The following FASTKD3 variants were observed in gnomAD, a reference collection of about 807,000 sequenced individuals.
FASTKD3 encodes FAST kinase domains 3.
In FASTKD3, 47 loss-of-function variants were observed where a neutral mutation model predicts 49.7. The observed-to-expected ratio is 0.95, with a 90% CI of 0.75 to 1.21. The LOEUF is 1.21. Among genes scored for constraint, FASTKD3 ranks in the 50% most tolerant of loss-of-function variants. The pLI, the probability that FASTKD3 is intolerant of heterozygous loss-of-function variation, is 0.00. For synonymous variants in FASTKD3, 284 were observed against 288.6 expected (o/e 0.98, Z 0.16); for missense variants, 748 against 765.7 (o/e 0.98, Z 0.27).
chr5:7,862,756 C>A, intron 4 of FASTKD3, 67 bp downstream of exon 4: 1 of 1,342,718 alleles, frequency 7.4e-7, no homozygotes, highest in South Asian at 1.3e-5. Flanking sequence ...GCTTCTAAGT[C>A]CCATATATCT....
At chr5:7,862,707 AG>A (rs1422896411) in intron 4 of FASTKD3, 115 bp downstream of exon 4, 3 of 871,312 alleles carry the variant, frequency 3.4e-6, no homozygotes, top group Non-Finnish European at 5.4e-6. Flanking sequence ...CCTTCAGGGA[AG>A]GGACCATTCC....
chr5:7,864,883 G>A (rs1000340924), intron 3 of FASTKD3, among the ~76,000 whole-genome samples: 2 of 150,846 alleles, frequency 1.3e-5, no homozygotes, highest in African/African-American at 5.0e-5. Context: ...GTTTATATAT[G>A]AAAAAAACCA....
chr5:7,866,624 T>C (rs1287443908), intron 2 of FASTKD3, 22 bp downstream of exon 2: 1 of 1,528,502 alleles, frequency 6.5e-7, no homozygotes, highest in African/African-American at 1.4e-5. Context: ...TTTCCAACTG[T>C]CAGAATTTAT....
At chr5:7,863,237 TAAACAG>T (rs1028782592) in intron 3 of FASTKD3, 2 of 457,860 alleles carry the variant, frequency 4.4e-6, no homozygotes, top group African/African-American at 4.1e-5. Flanking sequence ...CTGGTTACCA[TAAACAG>T]AAAGAAAAGT....
rs1256997002 is a variant in FASTKD3, at chr5:7,867,621, C to T, written c.463G>A (p.Glu155Lys). The T allele has an allele frequency of 1.2e-6, 2 of 1,614,138 alleles. No homozygotes were observed. Among genetic ancestry groups the T allele is most frequent in the Admixed American group, 3.3e-5 (2 of 60,012 alleles). Residue 155 changes from glutamate to lysine, a missense_variant, in exon 2 of 7, where the codon GAG becomes AAG. By Grantham distance (56) the Glu-to-Lys change is moderately conservative. This residue lies in a region of FASTKD3 where 564 missense variants were observed against 562.8 expected (regional missense o/e 1.00). Transcript: ENST00000264669. ...GDQGLPKEIL[E>K]NSIFQALCFQ... is the part of the protein sequence containing the mutation. Reference sequence around the variant, plus strand: ...CATAAAGCTTGAAAGATGCTATTCTCCAGTATTTCTTTTGGCAGCCCTTGA... The same window carrying T: ...CATAAAGCTTGAAAGATGCTATTCTTCAGTATTTCTTTTGGCAGCCCTTGA...
chr5:7,860,569 A>G (rs1336312852), intron 6 of FASTKD3, among the ~76,000 whole-genome samples: 1 of 152,234 alleles, frequency 6.6e-6, no homozygotes, highest in Admixed American at 6.5e-5. Flanking sequence ...ATTTCAAAAT[A>G]TAAGTCAAGA....
At position 7,867,999 on chromosome 5, in the gene FASTKD3, G is replaced by T. The variant is rs1255568329; in HGVS notation, c.85C>A (p.Pro29Thr). ...HRALAALKNK[P>T]LNHVHKVVKE... ...ACTACCTTGTGAACATGATTTAGAG[G>T]TTTATTTTTTAAAGCAGCCAGAGCT... is the stretch of plus-strand genomic sequence containing the variant. Residue 29 changes from proline to threonine, a missense_variant, in exon 2 of 7, where the codon CCT becomes ACT. By Grantham distance (38) the Pro-to-Thr change is conservative. Around this residue, in one of 3 missense-constraint regions of FASTKD3, gnomAD observed 564 missense variants for 562.8 expected, o/e 1.00. Coordinates refer to ENST00000264669, the MANE Select transcript of FASTKD3 (RefSeq NM_024091.4). 2.5e-6 allele frequency: 4 copies of T among 1,613,936 alleles called. No individual in the cohort carries two copies. The African/African-American group carries it at 5.3e-5, about 22-fold the overall frequency.
At position 7,859,385 on chromosome 5, in the gene FASTKD3, G is replaced by A. The variant is rs753738104; in HGVS notation, c.*50C>T. The A allele has an allele frequency of 8.5e-7, 1 of 1,173,990 alleles. No homozygotes were observed. The allele number at this position is 1,173,990 out of a possible 1,614,324, so 72.7% of individuals were successfully genotyped here. On this transcript the variant is annotated 3_prime_UTR_variant, in exon 7 of 7. Transcript: ENST00000264669. ...CATTATATTTTTCTTTTAATACTGA[G>A]TTCCATAAAAATGCAAGTTCTTCCA...
At position 7,859,503 on chromosome 5, in the gene FASTKD3, G is replaced by T; in HGVS notation, c.1921C>A (p.Arg641Ser). ...YHEIGMLKSRRELVEYLQRKL... is the reference protein window; with the variant it reads ...YHEIGMLKSRSELVEYLQRKL... The stretch of plus-strand genomic sequence containing the variant: ...CTTTGTAAATATTCCACCAATTCAC[G>T]TCTTGATTTTAGCATCCCAATCTCA... Residue 641 changes from arginine to serine, a missense_variant, in exon 7 of 7, where the codon CGT becomes AGT. Around this residue, in one of 3 missense-constraint regions of FASTKD3, gnomAD observed 178 missense variants for 182.2 expected, o/e 0.98. Transcript: ENST00000264669. 6.2e-7 allele frequency: 1 copy of T among 1,604,992 alleles called. No individual in the cohort carries two copies.
chr5:7,860,312 A>C (rs1482973738), intron 6 of FASTKD3, among the ~76,000 whole-genome samples: 2 of 152,218 alleles, frequency 1.3e-5, no homozygotes, highest in Non-Finnish European at 2.9e-5. Context: ...CGCACTGCTG[A>C]GCCCTCACAT....
At chr5:7,863,529 A>C (rs1746702740) in intron 3 of FASTKD3, among the ~76,000 whole-genome samples, 1 of 152,214 alleles carries the variant, frequency 6.6e-6, no homozygotes, top group Non-Finnish European at 1.5e-5. Context: ...TGAACTGGTA[A>C]ATATAATGAG....
Position 7,868,074 on chromosome 5 carries a change from T to C in FASTKD3, c.10A>G (p.Ile4Val), listed in dbSNP as rs1203911431. 1 of 1,600,104 alleles carries C rather than the reference T, an allele frequency of 6.2e-7. No individual in the cohort carries two copies. Among genetic ancestry groups the C allele is most frequent in the Non-Finnish European group, 8.5e-7 (1 of 1,174,362 alleles). Residue 4 changes from isoleucine (I) to valine (V), a missense_variant, in exon 2 of 7, where the codon ATC becomes GTC. By Grantham distance (29) the Ile-to-Val change is conservative. This residue lies in a region of FASTKD3 where 564 missense variants were observed against 562.8 expected (regional missense o/e 1.00). Coordinates refer to ENST00000264669, the MANE Select transcript of FASTKD3 (RefSeq NM_024091.4). Reference protein sequence around the residue: MALITLRKNLYRLS... With the variant: MALVTLRKNLYRLS... ...CGATAAAGGTTCTTCCTCAAGGTGATTAATGCCATACCATCAGATTCTCAA... is the reference window on the plus strand; with the variant it reads ...CGATAAAGGTTCTTCCTCAAGGTGACTAATGCCATACCATCAGATTCTCAA...
intron 1 of FASTKD3, among the ~76,000 whole-genome samples, chr5:7,868,715 A>C (rs1747262872): frequency 6.6e-6 from 1 of 152,214 alleles, no homozygotes; most frequent in Non-Finnish European, 1.5e-5. Context: ...AGATCAATGA[A>C]GGGAGAAGGT....
chr5:7,864,891 C>A (rs1018383790), intron 3 of FASTKD3, among the ~76,000 whole-genome samples: 5 of 151,590 alleles, frequency 3.3e-5, no homozygotes, highest in African/African-American at 9.7e-5. Context: ...ATGAAAAAAA[C>A]CAAAAAGGCT....
chr5:7,868,035 G>GA lies in FASTKD3; in HGVS notation c.48dup (p.Gln17SerfsTer4), dbSNP rs1478310012. On this transcript the variant is annotated frameshift_variant, in exon 2 of 7. Transcript: ENST00000264669. LOFTEE classifies it high-confidence loss of function. ...AAAGCAGCCAGAGCTCTATGCATCT[G>GA]AAAATCAGATAAACGATAAAGGTTC... is the stretch of plus-strand genomic sequence containing the variant. 12 of 1,613,074 alleles carry GA rather than the reference G, an allele frequency of 7.4e-6. No homozygotes were observed. The highest frequency in any genetic ancestry group is 1.0e-5 in the Non-Finnish European group (12 of 1,179,796).
chr5:7,863,803 C>A (rs938766542), intron 3 of FASTKD3, among the ~76,000 whole-genome samples: 1 of 152,104 alleles, frequency 6.6e-6, no homozygotes, highest in East Asian at 1.9e-4. Context: ...AGAATGATTG[C>A]GTGCTTGAAA....
intron 2 of FASTKD3, among the ~76,000 whole-genome samples, chr5:7,866,347 T>G (rs1746949021): frequency 6.6e-6 from 1 of 150,446 alleles, no homozygotes; most frequent in Non-Finnish European, 1.5e-5. Context: ...TGCTCACTCA[T>G]CAAAAGTTCT....
Position 7,860,846 on chromosome 5 carries a change from T to C in FASTKD3, c.1884+303A>G, listed in dbSNP as rs575527119. ...ACTTAAGCTCAACCAATCAGAAGCA[T>C]CTCACAAACTAATAATTATATAACT... On this transcript the variant is annotated intron_variant, in intron 6 of 6. Transcript: ENST00000264669. Among the ~76,000 whole-genome samples, 3 of 152,286 alleles carry C rather than the reference T, an allele frequency of 2.0e-5. No homozygotes were observed. The South Asian group carries it at 6.2e-4, about 32-fold the overall frequency.
In FASTKD3 at chr5:7,861,248, A is replaced by C. The variant is rs1746511141; in HGVS notation, c.1785T>G (p.Ile595Met). 1.9e-6 allele frequency: 3 copies of C among 1,600,062 alleles called. No homozygotes were observed. Among genetic ancestry groups the C allele is most frequent in the Non-Finnish European group, 2.6e-6 (3 of 1,168,942 alleles). The stretch of plus-strand genomic sequence containing the variant: ...TGGAGCAAAACCTTTTTGGACCATC[A>C]ATACACAGTGCTATCCTGAAAAATA... ...EDIHKRIALC[I>M]DGPKRFCSNS... is the part of the protein sequence containing the mutation. The change falls in exon 6 of 7, where the codon ATT becomes ATG. Residue 595 changes from isoleucine (I) to methionine (M), a missense_variant. Coordinates refer to ENST00000264669, the MANE Select transcript of FASTKD3 (RefSeq NM_024091.4).
Sources: allele counts gnomAD v4.1 joint callset (sites outside exome capture counted in the v4.1 genomes callset), GRCh38; gene constraint gnomAD v4.1.1; regional missense constraint gnomAD v4.1.1; transcripts MANE v1.5; gene names NCBI Gene and HGNC (gene_info 2026-07-23, HGNC 2026-07-21).